SCNN1B: variants seen among roughly 807,000 people sequenced by gnomAD.
SCNN1B encodes epithelial sodium channel subunit beta.
Under a neutral mutation model 65.3 loss-of-function variants are expected in SCNN1B, and 46 were observed. The observed-to-expected ratio is 0.70, with a 90% CI of 0.56 to 0.90. SCNN1B has a LOEUF of 0.90. SCNN1B is among the 40% of genes least tolerant of loss of function. The pLI, the probability that SCNN1B is intolerant of heterozygous loss-of-function variation, is 0.00. For missense variants in SCNN1B, 751 were observed against 830.5 expected, an observed-to-expected ratio of 0.90 and a Z score of 1.18; for synonymous variants, 349 against 330.6, an observed-to-expected ratio of 1.06 and a Z score of -0.60.
intron 1 of SCNN1B, among the ~76,000 whole-genome samples, chr16:23,323,793 G>C (rs1432058399): frequency 4.3e-4 from 65 of 152,206 alleles, no homozygotes; most frequent in Admixed American, 4.3e-3. Flanking sequence ...TCTGACAGGA[G>C]CATGACATAG....
intron 1 of SCNN1B, among the ~76,000 whole-genome samples, chr16:23,332,995 T>TG (rs1168058535): frequency 6.6e-6 from 1 of 151,334 alleles, no homozygotes; most frequent in African/African-American, 2.4e-5. Flanking sequence ...CGCTTGAACC[T>TG]GGGGGGCAGA....
chr16:23,288,946 G>A (rs1960887290), intron 2 of SCNN1B, among the ~76,000 whole-genome samples: 1 of 152,182 alleles, frequency 6.6e-6, no homozygotes, highest in Non-Finnish European at 1.5e-5. Flanking sequence ...CTTGCCATGT[G>A]ACCCTCCCAG....
intron 1 of SCNN1B, among the ~76,000 whole-genome samples, chr16:23,318,348 C>T (rs1961515711): frequency 6.6e-6 from 1 of 152,158 alleles, no homozygotes; most frequent in South Asian, 2.1e-4. Context: ...GTGGCTCATG[C>T]CTGTAATCCT....
At chr16:23,317,877 C>T (rs1961506134) in intron 1 of SCNN1B, among the ~76,000 whole-genome samples, 1 of 152,218 alleles carries the variant, frequency 6.6e-6, no homozygotes, top group Non-Finnish European at 1.5e-5. Flanking sequence ...ATCACACAGA[C>T]TACACACATG....
At chr16:23,306,382 A>C (rs1323104709) in intron 1 of SCNN1B, among the ~76,000 whole-genome samples, 3 of 152,128 alleles carry the variant, frequency 2.0e-5, no homozygotes, top group East Asian at 3.8e-4. Context: ...ACACACATGA[A>C]CCCCTTAGTA....
At chr16:23,337,578 A>G (rs1275788542) in intron 1 of SCNN1B, among the ~76,000 whole-genome samples, 7 of 151,728 alleles carry the variant, frequency 4.6e-5, no homozygotes, top group Non-Finnish European at 1.0e-4. Flanking sequence ...GGGTTTCACC[A>G]TGTTGACCAG....
At chr16:23,353,190 G>A in intron 3 of SCNN1B, 116 bp downstream of exon 3, 1 of 1,259,002 alleles carries the variant, frequency 7.9e-7, no homozygotes, top group Non-Finnish European at 1.1e-6. Context: ...GGAAGCCAGA[G>A]CCTGTTTTGC....
chr16:23,331,325 C>CTTT lies in SCNN1B; in HGVS notation c.-8-17252_-8-17250dup, dbSNP rs112461468. 3.5e-3 allele frequency among the ~76,000 whole-genome samples: 477 copies of CTTT among 138,166 alleles called. 8 individuals carry two copies. The highest frequency in any genetic ancestry group is 0.012 in the African/African-American group (464 of 37,286). The allele number at this position is 138,166 out of a possible 152,430, so 90.6% of individuals were successfully genotyped here. ...GGGGCCAGGGAGCTTTTCCTAGTCACTTTTTTTTTTTTTTTTTGAGACAGA... is the reference window on the plus strand; with the variant it reads ...GGGGCCAGGGAGCTTTTCCTAGTCACTTTTTTTTTTTTTTTTTTTTGAGACAGA... On this transcript the variant is annotated intron_variant, in intron 1 of 12. Transcript: ENST00000343070.
At chr16:23,369,099 G>A (rs1962731386) in intron 5 of SCNN1B, among the ~76,000 whole-genome samples, 1 of 152,166 alleles carries the variant, frequency 6.6e-6, no homozygotes, top group African/African-American at 2.4e-5. Context: ...TGCCTCTCTG[G>A]TGTACAGTTT....
At chr16:23,323,947 C>A (rs72654307) in intron 1 of SCNN1B, among the ~76,000 whole-genome samples, 413 of 152,294 alleles carry the variant, frequency 2.7e-3, no homozygotes, top group African/African-American at 9.7e-3. Flanking sequence ...CCTTCTTTCT[C>A]CCTAATGAAT....
intron 1 of SCNN1B, among the ~76,000 whole-genome samples, chr16:23,309,135 A>T (rs9931588): frequency 0.34 from 51,596 of 151,750 alleles, 10,687 homozygotes; most frequent in African/African-American, 0.59. Flanking sequence ...GAAGAAACCA[A>T]TTTTTTTTCA....
intron 1 of SCNN1B, among the ~76,000 whole-genome samples, chr16:23,310,606 G>GT (rs1961320910): frequency 6.6e-6 from 1 of 152,350 alleles, no homozygotes; most frequent in East Asian, 1.9e-4. Flanking sequence ...GTGCCTGGGA[G>GT]TTGGAGGCTA....
chr16:23,346,452 C>A (rs1962191118), intron 1 of SCNN1B, among the ~76,000 whole-genome samples: 1 of 151,720 alleles, frequency 6.6e-6, no homozygotes, highest in African/African-American at 2.4e-5. Flanking sequence ...AAACTCCTGA[C>A]CTCAGGTGAT....
At chr16:23,283,286 C>T (rs994983289) in intron 1 of SCNN1B, among the ~76,000 whole-genome samples, 1 of 152,194 alleles carries the variant, frequency 6.6e-6, no homozygotes. Context: ...TGGCACATGC[C>T]TGTAGTCCCA....
intron 3 of SCNN1B, chr16:23,353,301 G>A (rs531110496): frequency 2.6e-5 from 15 of 588,038 alleles, no homozygotes; most frequent in South Asian, 2.0e-4. Context: ...CAAAACAGGC[G>A]ATTCATTGGC....
At position 23,380,208 on chromosome 16, in the gene SCNN1B, G is replaced by T. The variant is rs368017357; in HGVS notation, c.1542+39G>T. ...TCTCCCAATACCCCAGCCCTGCCCTGCCCTGACCCCTGCACCCTGAGGGTG... is the reference window on the plus strand; with the variant it reads ...TCTCCCAATACCCCAGCCCTGCCCTTCCCTGACCCCTGCACCCTGAGGGTG... On this transcript the variant is annotated intron_variant, in intron 12 of 12. Transcript: ENST00000343070. The surrounding 1 kb of genome is among the most constrained non-coding windows in gnomAD (Gnocchi z 5.4). 15 of 1,571,968 alleles carry T rather than the reference G, an allele frequency of 9.5e-6. No homozygotes were observed. The highest frequency in any genetic ancestry group is 1.1e-5 in the Non-Finnish European group (12 of 1,141,794).
chr16:23,326,245 A>T (rs1961694343), intron 1 of SCNN1B, among the ~76,000 whole-genome samples: 1 of 151,478 alleles, frequency 6.6e-6, no homozygotes, highest in Non-Finnish European at 1.5e-5. Context: ...TTTGCTATTA[A>T]AAATTATCTT....
intron 1 of SCNN1B, among the ~76,000 whole-genome samples, chr16:23,347,733 C>A (rs537160714): frequency 1.5e-3 from 234 of 152,152 alleles, no homozygotes; most frequent in African/African-American, 5.4e-3. Context: ...CACGGTGAAA[C>A]CCCGTCTCCA....
chr16:23,326,389 G>C (rs1470913107), intron 1 of SCNN1B, among the ~76,000 whole-genome samples: 2 of 151,658 alleles, frequency 1.3e-5, no homozygotes, highest in Non-Finnish European at 2.9e-5. Context: ...TAAACGTTCT[G>C]GTTAATGCCA....
Sources: gnomAD v4.1 joint callset for allele counts (sites outside exome capture counted in the v4.1 genomes callset) on GRCh38, gnomAD v4.1.1 for gene constraint, Gnocchi (gnomAD v3.1) non-coding constraint, MANE v1.5 for transcripts, NCBI Gene and HGNC (gene_info 2026-07-23, HGNC 2026-07-21) for gene names.